Variants in USP12 observed in about 807,000 individuals in gnomAD.
The protein encoded by USP12 is ubiquitin carboxyl-terminal hydrolase 12.
In USP12, 19 loss-of-function variants were observed where a neutral mutation model predicts 45.5. The ratio of observed to expected loss-of-function variants is 0.42; its 90% CI spans 0.29 to 0.61. The LOEUF is 0.61. USP12 is among the 20% of genes least tolerant of loss of function. The pLI is 0.22. For missense variants in USP12, 242 were observed against 447.7 expected, an observed-to-expected ratio of 0.54 and a Z score of 4.15; for synonymous variants, 149 against 148.8, an observed-to-expected ratio of 1.00 and a Z score of -0.01.
chr13:27,148,795 T>TACACACACACACACACAC (rs58820564), intron 1 of USP12, among the ~76,000 whole-genome samples: 18,639 of 141,610 alleles, frequency 0.13, 1,475 homozygotes, highest in African/African-American at 0.18. Context: ...ATCATCTTAA[T>TACACACACACACACACAC]ACACACACAC....
intron 1 of USP12, among the ~76,000 whole-genome samples, chr13:27,162,292 C>G (rs1346079423): frequency 2.6e-5 from 4 of 152,200 alleles, no homozygotes; most frequent in African/African-American, 9.6e-5. Context: ...AAGTCACACA[C>G]ACACAGATAT....
At position 27,165,472 on chromosome 13, in the gene USP12, T is replaced by C. The variant is rs543169551; in HGVS notation, c.48+6120A>G. On this transcript the variant is annotated intron_variant, in intron 1 of 8. Coordinates refer to ENST00000282344, the MANE Select transcript of USP12 (RefSeq NM_182488.4). ...ATTAGTAGTGCCAATGAATACTTTT[T>C]ACCACAGGGAGGGGAGCAAATCATG... 2.0e-5 allele frequency among the ~76,000 whole-genome samples: 3 copies of C among 152,286 alleles called. No individual in the cohort carries two copies. The East Asian group carries it at 5.8e-4, about 29-fold the overall frequency.
At chr13:27,103,668 T>C (rs1281758310) in intron 3 of USP12, among the ~76,000 whole-genome samples, 1 of 148,140 alleles carries the variant, frequency 6.8e-6, no homozygotes, top group African/African-American at 2.5e-5. Flanking sequence ...ATCCAACACT[T>C]TGGGAGACTG....
At chr13:27,083,007 G>T (rs1025982399) in intron 6 of USP12, among the ~76,000 whole-genome samples, 1 of 152,112 alleles carries the variant, frequency 6.6e-6, no homozygotes. Flanking sequence ...AGCTAATTTT[G>T]TATTTTTAGT....
At chr13:27,117,219 A>G (rs1009478545) in intron 1 of USP12, among the ~76,000 whole-genome samples, 1 of 152,254 alleles carries the variant, frequency 6.6e-6, no homozygotes, top group African/African-American at 2.4e-5. Flanking sequence ...TACATTCATA[A>G]CATGTTCTTT....
At chr13:27,121,121 T>C (rs890520018) in intron 1 of USP12, among the ~76,000 whole-genome samples, 4 of 152,112 alleles carry the variant, frequency 2.6e-5, no homozygotes, top group African/African-American at 9.7e-5. Flanking sequence ...AGGGTTTCTC[T>C]TCAATGCATA....
chr13:27,147,921 A>G (rs1400129513), intron 1 of USP12, among the ~76,000 whole-genome samples: 1 of 152,058 alleles, frequency 6.6e-6, no homozygotes, highest in African/African-American at 2.4e-5. Flanking sequence ...GGAGCCCAGT[A>G]GTTCAAGACC....
At chr13:27,120,230 A>G (rs981035104) in intron 1 of USP12, among the ~76,000 whole-genome samples, 1 of 152,264 alleles carries the variant, frequency 6.6e-6, no homozygotes, top group African/African-American at 2.4e-5. Context: ...GAGCCTAGAA[A>G]AAGTAAACAT....
At chr13:27,144,751 T>G (rs374232745) in intron 1 of USP12, among the ~76,000 whole-genome samples, 3,137 of 151,266 alleles carry the variant, frequency 0.021, 45 homozygotes, top group Middle Eastern at 0.037. Flanking sequence ...TTTGTTGTTT[T>G]TTTTTTTTCC....
chr13:27,087,251 A>G (rs1319228713), intron 6 of USP12, among the ~76,000 whole-genome samples: 1 of 143,944 alleles, frequency 6.9e-6, no homozygotes, highest in African/African-American at 2.6e-5. Context: ...GTGGGGAGGG[A>G]TGTGTGTGTG....
rs549119089 is a variant in USP12, at chr13:27,116,579, T to A, written c.66A>T (p.Ala22=). 11 of 1,612,666 alleles carry A rather than the reference T, an allele frequency of 6.8e-6. No individual in the cohort carries two copies. The South Asian group carries it at 1.2e-4, about 18-fold the overall frequency. Residue 22 remains alanine (A), a synonymous_variant, in exon 2 of 9, where the codon GCA becomes GCT. Transcript: ENST00000282344. ...SICTMGANAS[A]LEKEIGPEQF... is the part of the protein sequence containing the mutation. ...GTTCTGGACCAATCTCTTTCTCTAA[T>A]GCCGAAGCATTGGCGCCCTATAAAA...
In USP12 at chr13:27,071,055, T is replaced by C; in HGVS notation, c.1011+16A>G. ...GCATACAACTTTCAAAAATAAGAAA[T>C]TAAGAAACTACTTACTTCTACAATG... On this transcript the variant is annotated intron_variant, in intron 8 of 8. Coordinates refer to ENST00000282344, the MANE Select transcript of USP12 (RefSeq NM_182488.4). The C allele has an allele frequency of 6.3e-7, 1 of 1,588,504 alleles. No individual in the cohort carries two copies. The highest frequency in any genetic ancestry group is 1.2e-5 in the South Asian group (1 of 85,726).
chr13:27,130,696 C>A (rs1876460276), intron 1 of USP12, among the ~76,000 whole-genome samples: 1 of 152,198 alleles, frequency 6.6e-6, no homozygotes, highest in African/African-American at 2.4e-5. Flanking sequence ...CGGTATCACA[C>A]TGGGGTCCCA....
At chr13:27,104,454 T>A (rs1875032647) in intron 3 of USP12, among the ~76,000 whole-genome samples, 1 of 152,164 alleles carries the variant, frequency 6.6e-6, no homozygotes, top group Non-Finnish European at 1.5e-5. Flanking sequence ...ACAAAAAGAC[T>A]GAGAAGACTT....
At chr13:27,084,166 GCATACACACACA>G (rs1356752628) in intron 6 of USP12, among the ~76,000 whole-genome samples, 5 of 99,204 alleles carry the variant, frequency 5.0e-5, no homozygotes, top group East Asian at 5.6e-4. Context: ...ATCCATGTTT[GCATACACACACA>G]CACACACACA....
At chr13:27,148,127 CA>C (rs58958898) in intron 1 of USP12, among the ~76,000 whole-genome samples, 167 of 144,796 alleles carry the variant, frequency 1.2e-3, no homozygotes, top group Non-Finnish European at 1.5e-3. Context: ...AGACCTATCT[CA>C]AAAAAAAAAA....
chr13:27,160,187 C>A (rs1878040802), intron 1 of USP12, among the ~76,000 whole-genome samples: 1 of 152,270 alleles, frequency 6.6e-6, no homozygotes, highest in South Asian at 2.1e-4. Context: ...TCACTTGTAT[C>A]TTTTTAGTTA....
At chr13:27,126,817 G>C (rs1281914603) in intron 1 of USP12, among the ~76,000 whole-genome samples, 1 of 152,108 alleles carries the variant, frequency 6.6e-6, no homozygotes, top group Non-Finnish European at 1.5e-5. Context: ...TTACTAATCT[G>C]CAAAAAAGGG....
chr13:27,086,195 A>ATAT (rs1326329926), intron 6 of USP12, among the ~76,000 whole-genome samples: 64 of 61,970 alleles, frequency 1.0e-3, no homozygotes, highest in East Asian at 2.7e-3. Context: ...AAAAAAAAAA[A>ATAT]AAATATATAT....
Sources: gnomAD v4.1 joint callset for allele counts (sites outside exome capture counted in the v4.1 genomes callset) on GRCh38, gnomAD v4.1.1 for gene constraint, MANE v1.5 for transcripts, NCBI Gene and HGNC (gene_info 2026-07-23, HGNC 2026-07-21) for gene names.